The following TRAK2 variants were observed in gnomAD, a reference collection of about 807,000 sequenced individuals.
The protein encoded by TRAK2 is trafficking kinesin protein 2.
In TRAK2, 81 loss-of-function variants were observed where a neutral mutation model predicts 104.6. That is an observed-to-expected ratio of 0.77 (90% CI 0.65 to 0.93). The LOEUF (loss-of-function observed/expected upper bound fraction) is 0.93, where lower values mean the gene tolerates loss of function less well. TRAK2 is among the 40% of genes least tolerant of loss of function. TRAK2 has a pLI of 0.00. For missense variants in TRAK2, 1,002 were observed against 1,089.0 expected (o/e 0.92, Z 1.12); for synonymous variants, 406 against 394.4 (o/e 1.03, Z -0.35).
At chr2:201,408,799 C>A (rs1033716059) in intron 2 of TRAK2, among the ~76,000 whole-genome samples, 1 of 152,092 alleles carries the variant, frequency 6.6e-6, no homozygotes, top group South Asian at 2.1e-4. Context: ...TCTGTAATGA[C>A]AAAATTTGAA....
At chr2:201,397,690 A>C in intron 6 of TRAK2, 110 bp from the exon 7 acceptor site, 1 of 791,768 alleles carries the variant, frequency 1.3e-6, no homozygotes, top group Non-Finnish European at 2.0e-6. Context: ...TTACAAAGGA[A>C]AAAACCCAAC....
Position 201,400,991 on chromosome 2 carries a change from T to C in TRAK2, c.363+27A>G, listed in dbSNP as rs761400607. On this transcript the variant is annotated intron_variant, in intron 4 of 15. Transcript: ENST00000332624. ...ATGATCCTCAAGTTTTACCTTTTTGTACTGGAGAAAGAAAAGATATTCCTA... is the reference window on the plus strand; with the variant it reads ...ATGATCCTCAAGTTTTACCTTTTTGCACTGGAGAAAGAAAAGATATTCCTA... 2.5e-6 allele frequency: 4 copies of C among 1,579,252 alleles called. No individual in the cohort carries two copies. The African/African-American group carries it at 5.4e-5, about 21-fold the overall frequency.
rs988954673 is a variant in TRAK2, at chr2:201,378,676, T to C, written c.*1867A>G. ...CACTTATATTCACATATAAACCTGC[T>C]GGAATCCTTTCTGAAACTCTACACT... On this transcript the variant is annotated 3_prime_UTR_variant, in exon 16 of 16. Transcript: ENST00000332624. 1 of 152,190 alleles carries C rather than the reference T, an allele frequency of 6.6e-6. No homozygotes were observed. Among genetic ancestry groups the C allele is most frequent in the African/African-American group, 2.4e-5 (1 of 41,438 alleles). 9.4% of individuals were successfully genotyped at this position (152,190 alleles called of 1,614,324 possible).
At position 201,386,120 on chromosome 2, in the gene TRAK2, C is replaced by T. The variant is rs138994552; in HGVS notation, c.1963+98G>A. Reference sequence around the variant, plus strand: ...ATTATCTGATATGCAAGATTAAGTACCCTCCAGTGAGCAGAGGTAGCCAGC... The same window carrying T: ...ATTATCTGATATGCAAGATTAAGTATCCTCCAGTGAGCAGAGGTAGCCAGC... On this transcript the variant is annotated intron_variant, in intron 14 of 15. Coordinates refer to ENST00000332624, the MANE Select transcript of TRAK2 (RefSeq NM_015049.3). 586 of 1,294,064 alleles carry T rather than the reference C, an allele frequency of 4.5e-4. 2 individuals are homozygous for T. In the African/African-American group the frequency reaches 7.8e-3, roughly 17 times the overall value. The allele number at this position is 1,294,064 out of a possible 1,614,324, so 80.2% of individuals were successfully genotyped here.
intron 2 of TRAK2, among the ~76,000 whole-genome samples, chr2:201,410,026 G>A (rs1439025635): frequency 4.6e-5 from 7 of 152,212 alleles, no homozygotes; most frequent in Non-Finnish European, 7.3e-5. Flanking sequence ...GGCCGGGCGC[G>A]GTGGCTCACG....
At chr2:201,450,688 C>CTTT (rs369626279) in intron 1 of TRAK2, among the ~76,000 whole-genome samples, 3 of 137,374 alleles carry the variant, frequency 2.2e-5, no homozygotes, top group Non-Finnish European at 3.2e-5. Context: ...GTGAAGTTAC[C>CTTT]TTTTTTTTTT....
intron 1 of TRAK2, among the ~76,000 whole-genome samples, chr2:201,443,936 C>G (rs1478537808): frequency 1.3e-5 from 2 of 152,164 alleles, no homozygotes; most frequent in Non-Finnish European, 2.9e-5. Context: ...CGCAGTGGCT[C>G]ACGCCTGTAA....
rs1022050310 is a variant in TRAK2, at chr2:201,389,944, A to G, written c.1114-64T>C. 2.4e-6 allele frequency: 3 copies of G among 1,262,312 alleles called. No homozygotes were observed. In the African/African-American group the frequency reaches 4.5e-5, roughly 19 times the overall value. The allele number at this position is 1,262,312 out of a possible 1,614,324, so 78.2% of individuals were successfully genotyped here. A position where few individuals can be genotyped will look rare whatever the true frequency, so the allele number is the denominator to read the frequency against. ...CCCTTAAATTAACAGAGTCTCTACA[A>G]TCCTATACTTTTGGTTTTATAATAA... On this transcript the variant is annotated intron_variant, in intron 10 of 15. Coordinates refer to ENST00000332624, the MANE Select transcript of TRAK2 (RefSeq NM_015049.3).
At chr2:201,407,686 A>G (rs1250569793) in intron 2 of TRAK2, 89 bp from the exon 3 acceptor site, 1 of 1,180,152 alleles carries the variant, frequency 8.5e-7, no homozygotes, top group Admixed American at 2.5e-5. Flanking sequence ...GTTTTTCTAA[A>G]GTAGGATAAC....
At chr2:201,412,906 A>G in intron 2 of TRAK2, 1 of 788,380 alleles carries the variant, frequency 1.3e-6, no homozygotes, top group Non-Finnish European at 2.3e-6. Flanking sequence ...AGGGAAAGGG[A>G]GATTTTCCCA....
intron 15 of TRAK2, among the ~76,000 whole-genome samples, chr2:201,383,348 C>T (rs1951359952): frequency 6.6e-6 from 1 of 152,118 alleles, no homozygotes; most frequent in African/African-American, 2.4e-5. Flanking sequence ...TGAGGAATGG[C>T]CATGCCAAAA....
intron 1 of TRAK2, among the ~76,000 whole-genome samples, chr2:201,438,530 A>G (rs943147425): frequency 6.6e-6 from 1 of 152,186 alleles, no homozygotes; most frequent in African/African-American, 2.4e-5. Context: ...CCATACTAAG[A>G]GCCAGGAATA....
rs1323745667 is a variant in TRAK2 at position 201,411,443 on chromosome 2, A to G, written c.92-3846T>C. ...TTGTAACTTTTGTCTCCTCAGAAACATTCATTTGATTTCCTATGTCCAAAG... is the reference window on the plus strand; with the variant it reads ...TTGTAACTTTTGTCTCCTCAGAAACGTTCATTTGATTTCCTATGTCCAAAG... On this transcript the variant is annotated intron_variant, in intron 2 of 15. Coordinates refer to ENST00000332624, the MANE Select transcript of TRAK2 (RefSeq NM_015049.3). 12 of 744,392 alleles carry G rather than the reference A, an allele frequency of 1.6e-5. No individual in the cohort carries two copies. The East Asian group carries it at 2.8e-4, about 17-fold the overall frequency. The allele number at this position is 744,392 out of a possible 1,614,324, so 46.1% of individuals were successfully genotyped here. A position where few individuals can be genotyped will look rare whatever the true frequency, so the allele number is the denominator to read the frequency against.
rs562388010 is a variant in TRAK2, at chr2:201,420,101, A to G, written c.91+316T>C. On this transcript the variant is annotated intron_variant, in intron 2 of 15. Coordinates refer to ENST00000332624, the MANE Select transcript of TRAK2 (RefSeq NM_015049.3). ...TGTGTGCCAGGCATTGTTGTTAGGT[A>G]CCTGCAGGGTATACAAACACAGGTA... Among the ~76,000 whole-genome samples, 7 of 152,258 alleles carry G rather than the reference A, an allele frequency of 4.6e-5. No homozygotes were observed. The East Asian group carries it at 9.6e-4, about 21-fold the overall frequency.
chr2:201,420,516 C>A lies in TRAK2; in HGVS notation c.-9G>T. 1 of 1,611,028 alleles carries A rather than the reference C, an allele frequency of 6.2e-7. No homozygotes were observed. Among genetic ancestry groups the A allele is most frequent in the Non-Finnish European group, 8.5e-7 (1 of 1,177,340 alleles). On this transcript the variant is annotated 5_prime_UTR_variant, in exon 2 of 16. The change creates a new upstream start codon in the 5' untranslated region. Transcript: ENST00000332624. ...TTCTGGGATTGACTCATGCAGGATC[C>A]TTTCTTGCTTTGGTTGAGAAGGACA...
chr2:201,448,791 G>A (rs13413610), intron 1 of TRAK2, among the ~76,000 whole-genome samples: 2 of 152,156 alleles, frequency 1.3e-5, no homozygotes, highest in Non-Finnish European at 2.9e-5. Flanking sequence ...TCAAGCTGGA[G>A]TGCAGTGGTG....
intron 9 of TRAK2, 73 bp downstream of exon 9, chr2:201,394,725 T>C (rs370203907): frequency 1.7e-6 from 2 of 1,198,370 alleles, no homozygotes; most frequent in African/African-American, 3.1e-5. Flanking sequence ...CTTTAATAAT[T>C]CTTATTCATG....
Position 201,395,312 on chromosome 2 carries a change from A to C in TRAK2, c.900+2T>G. ...ATCTGTTGAATGAATGAATAAACCT[A>C]CTTCTTTAAGTTTGTGCTGAAGGTC... On this transcript the variant is annotated splice_donor_variant, in intron 8 of 15. Coordinates refer to ENST00000332624, the MANE Select transcript of TRAK2 (RefSeq NM_015049.3). LOFTEE classifies it high-confidence loss of function. 6.2e-7 allele frequency: 1 copy of C among 1,602,500 alleles called. No homozygotes were observed. Among genetic ancestry groups the C allele is most frequent in the Non-Finnish European group, 8.5e-7 (1 of 1,171,508 alleles).
chr2:201,400,599 C>T (rs184411358), intron 4 of TRAK2, among the ~76,000 whole-genome samples: 6 of 152,020 alleles, frequency 3.9e-5, no homozygotes, highest in African/African-American at 1.4e-4. Flanking sequence ...ATGCCATAGA[C>T]AAAGTGAGCT....
Sources: gnomAD v4.1 joint callset for allele counts (sites outside exome capture counted in the v4.1 genomes callset) on GRCh38, gnomAD v4.1.1 for gene constraint, MANE v1.5 for transcripts, NCBI Gene and HGNC (gene_info 2026-07-23, HGNC 2026-07-21) for gene names.